Variants in NAV3 observed in about 807,000 individuals in gnomAD.
NAV3 encodes the protein neuron navigator 3.
NAV3 carries 87 observed loss-of-function variants against 244.7 expected under a neutral mutation model. That is an observed-to-expected ratio of 0.36 (90% confidence interval 0.30 to 0.42). The LOEUF is 0.42. NAV3 is among the 20% of genes least tolerant of loss of function. The pLI is 1.00. For missense variants in NAV3, 2,663 were observed against 2,893.3 expected, an observed-to-expected ratio of 0.92 and a Z score of 1.83; for synonymous variants, 1,126 against 1,042.2, an observed-to-expected ratio of 1.08 and a Z score of -1.55.
At chr12:77,588,104 T>A (rs1481852130) in intron 2 of NAV3, among the ~76,000 whole-genome samples, 1 of 152,168 alleles carries the variant, frequency 6.6e-6, no homozygotes, top group East Asian at 1.9e-4. Flanking sequence ...ATAGCCATAA[T>A]GTCATGGGTC....
intron 2 of NAV3, among the ~76,000 whole-genome samples, chr12:77,615,619 G>A (rs867932023): frequency 7.2e-5 from 11 of 152,196 alleles, no homozygotes; most frequent in Middle Eastern, 6.8e-3. Context: ...AAAGTCCACC[G>A]TTGATGGGCA....
chr12:77,879,685 C>CAAAAAAAAAAAAAAAAA (rs72076222), intron 1 of NAV3, among the ~76,000 whole-genome samples: 1 of 85,094 alleles, frequency 1.2e-5, no homozygotes, highest in Non-Finnish European at 2.2e-5. Context: ...AACTCCATCT[C>CAAAAAAAAAAAAAAAAA]AAAAAAAAAA....
chr12:77,602,552 T>G (rs1184090712), intron 2 of NAV3, among the ~76,000 whole-genome samples: 1 of 151,768 alleles, frequency 6.6e-6, no homozygotes, highest in East Asian at 1.9e-4. Flanking sequence ...AGCAGAGATC[T>G]AAAGGATAAC....
rs551373956 is a variant in NAV3, at chr12:77,892,036, T to G, written c.244-48283T>G. 2.0e-5 allele frequency among the ~76,000 whole-genome samples: 3 copies of G among 152,362 alleles called. No individual in the cohort carries two copies. The South Asian group carries it at 6.2e-4, about 32-fold the overall frequency. ...GAGAAATTGACCTACACAGAAATTTTTCAAACTTATTTGACATGGAACACT... is the reference window on the plus strand; with the variant it reads ...GAGAAATTGACCTACACAGAAATTTGTCAAACTTATTTGACATGGAACACT... On this transcript the variant is annotated intron_variant, in intron 1 of 39. Transcript: ENST00000397909.
At chr12:77,642,065 A>T (rs1162766202) in intron 2 of NAV3, among the ~76,000 whole-genome samples, 1 of 152,080 alleles carries the variant, frequency 6.6e-6, no homozygotes, top group African/African-American at 2.4e-5. Flanking sequence ...CTTCAGAGCT[A>T]TGTATAGATA....
At chr12:77,662,249 C>G (rs1018738704) in intron 2 of NAV3, among the ~76,000 whole-genome samples, 4 of 151,694 alleles carry the variant, frequency 2.6e-5, no homozygotes, top group African/African-American at 9.7e-5. Context: ...ATCTATCTAT[C>G]TATCTATCTA....
At chr12:77,948,871 A>C (rs1479491955) in intron 3 of NAV3, among the ~76,000 whole-genome samples, 19 of 152,042 alleles carry the variant, frequency 1.2e-4, no homozygotes, top group Admixed American at 1.2e-3. Flanking sequence ...AAATTTTTTC[A>C]ATAATAAGAA....
chr12:77,636,495 A>G (rs1872163238), intron 2 of NAV3, among the ~76,000 whole-genome samples: 1 of 151,954 alleles, frequency 6.6e-6, no homozygotes, highest in Admixed American at 6.6e-5. Flanking sequence ...GTTAGGAAAC[A>G]ACAGATACTG....
At chr12:77,734,059 A>AAG (rs1414332714) in intron 2 of NAV3, among the ~76,000 whole-genome samples, 1 of 151,892 alleles carries the variant, frequency 6.6e-6, no homozygotes, top group Non-Finnish European at 1.5e-5. Flanking sequence ...ACAAAAAGAG[A>AAG]AGACCCTGAA....
At chr12:77,920,119 G>T (rs1174278868) in intron 1 of NAV3, among the ~76,000 whole-genome samples, 1 of 151,954 alleles carries the variant, frequency 6.6e-6, no homozygotes, top group Non-Finnish European at 1.5e-5. Flanking sequence ...TCTTTACTGT[G>T]TGACATTTAG....
At chr12:78,085,798 G>T (rs1461873181) in intron 12 of NAV3, among the ~76,000 whole-genome samples, 1 of 152,002 alleles carries the variant, frequency 6.6e-6, no homozygotes, top group Non-Finnish European at 1.5e-5. Flanking sequence ...GGCAAAGGAG[G>T]ATGAGGAGAT....
intron 3 of NAV3, among the ~76,000 whole-genome samples, chr12:77,953,520 G>T (rs567338099): frequency 6.6e-5 from 10 of 152,130 alleles, no homozygotes; most frequent in Admixed American, 6.6e-4. Context: ...TACACCATAG[G>T]ACCTAATTAA....
At chr12:78,012,939 A>G (rs1165652109) in intron 8 of NAV3, among the ~76,000 whole-genome samples, 2 of 152,102 alleles carry the variant, frequency 1.3e-5, no homozygotes. Flanking sequence ...AGTAGATACC[A>G]AATAAAAATT....
chr12:77,827,198 G>A (rs970670905), upstream of NAV3, among the ~76,000 whole-genome samples: 1 of 122,290 alleles, frequency 8.2e-6, no homozygotes, highest in East Asian at 2.7e-4. Flanking sequence ...ATGAAATATA[G>A]TTACTCCAGC....
rs1958840814 is a variant in NAV3 at position 78,188,791 on chromosome 12, T to C, written c.6055+14T>C. 1.2e-6 allele frequency: 2 copies of C among 1,606,470 alleles called. No individual in the cohort carries two copies. Among genetic ancestry groups the C allele is most frequent in the Admixed American group, 3.4e-5 (2 of 59,276 alleles). On this transcript the variant is annotated intron_variant, in intron 33 of 39. Coordinates refer to ENST00000397909, the MANE Select transcript of NAV3 (RefSeq NM_001024383.2). ...TGAACCTCAAAGGTAAAAGCAATAA[T>C]GAAAAGCAAGGCAGAAATATAATTT...
At chr12:78,084,990 A>G (rs928143031) in intron 12 of NAV3, among the ~76,000 whole-genome samples, 2 of 152,166 alleles carry the variant, frequency 1.3e-5, no homozygotes, top group African/African-American at 4.8e-5. Flanking sequence ...AAAATAAAAA[A>G]AGAGAAAAAG....
At chr12:78,122,474 G>T (rs2138710531) in intron 16 of NAV3, 46 bp downstream of exon 16, 1 of 1,518,972 alleles carries the variant, frequency 6.6e-7, no homozygotes, top group South Asian at 1.3e-5. Context: ...CCTCTTCCCT[G>T]CACTATGCCT....
At chr12:77,617,365 G>A (rs1871181684) in intron 2 of NAV3, among the ~76,000 whole-genome samples, 1 of 152,062 alleles carries the variant, frequency 6.6e-6, no homozygotes, top group Admixed American at 6.6e-5. Flanking sequence ...GTGACTTCAG[G>A]GATGGTTATA....
chr12:77,707,365 A>G (rs914830208), intron 2 of NAV3, among the ~76,000 whole-genome samples: 8 of 152,012 alleles, frequency 5.3e-5, no homozygotes, highest in Non-Finnish European at 7.4e-5. Context: ...AGCTTCATCC[A>G]TGTCCCTACA....
Sources: allele counts gnomAD v4.1 joint callset (sites outside exome capture counted in the v4.1 genomes callset), GRCh38; gene constraint gnomAD v4.1.1; transcripts MANE v1.5; gene names NCBI Gene and HGNC (gene_info 2026-07-23, HGNC 2026-07-21).